The following SLC22A5 variants were observed in gnomAD, a reference collection of about 807,000 sequenced individuals.
SLC22A5 encodes solute carrier family 22 member 5.
SLC22A5 carries 44 observed loss-of-function variants against 56.7 expected under a neutral mutation model. The ratio of observed to expected loss-of-function variants is 0.78; its 90% CI spans 0.61 to 1.00. The LOEUF (loss-of-function observed/expected upper bound fraction) is 1.00, where lower values mean the gene tolerates loss of function less well. Among genes scored for constraint, SLC22A5 ranks in the 50% least tolerant of loss-of-function variants. The pLI is 0.00. For missense variants in SLC22A5, 675 were observed against 723.0 expected (o/e 0.93, Z 0.76); for synonymous variants, 278 against 292.1 (o/e 0.95, Z 0.49).
chr5:132,386,462 C>T (rs1249404740), intron 4 of SLC22A5, among the ~76,000 whole-genome samples: 1 of 152,170 alleles, frequency 6.6e-6, no homozygotes, highest in African/African-American at 2.4e-5. Context: ...AACTCCTAGC[C>T]TCAAATGATC....
Position 132,369,762 on chromosome 5 carries a change from C to A in SLC22A5, c.-211C>A. 3 of 584,576 alleles carry A rather than the reference C, an allele frequency of 5.1e-6. No individual in the cohort carries two copies. Among genetic ancestry groups the A allele is most frequent in the Non-Finnish European group, 8.4e-6 (3 of 357,310 alleles). The allele number at this position is 584,576 out of a possible 1,614,324, so 36.2% of individuals were successfully genotyped here. A position where few individuals can be genotyped will look rare whatever the true frequency, so the allele number is the denominator to read the frequency against. Reference sequence around the variant, plus strand: ...AGCGGGGCGCGCCTTGCGGCCCAGGCCCGCAACCTTCCCTGGTCGTGCGCC... The same window carrying A: ...AGCGGGGCGCGCCTTGCGGCCCAGGACCGCAACCTTCCCTGGTCGTGCGCC... On this transcript the variant is annotated 5_prime_UTR_variant, in exon 1 of 10. Transcript: ENST00000245407.
rs757611449 is a variant in SLC22A5 at position 132,392,551 on chromosome 5, T to G, written c.1386T>G (p.Gly462=). The stretch of plus-strand genomic sequence containing the variant: ...ATCCCACAGTGGTGAGAAACATGGG[T>G]GTGGGAGTCAGCTCCACAGCATCCC... ...ELYPTVVRNM[G]VGVSSTASRL... is the part of the protein sequence containing the mutation. The change falls in exon 8 of 10, where the codon GGT becomes GGG. Residue 462 remains glycine, a synonymous_variant. Coordinates refer to ENST00000245407, the MANE Select transcript of SLC22A5 (RefSeq NM_003060.4). The G allele has an allele frequency of 6.2e-7, 1 of 1,614,166 alleles. No homozygotes were observed. Among genetic ancestry groups the G allele is most frequent in the East Asian group, 2.2e-5 (1 of 44,882 alleles).
chr5:132,381,594 G>T (rs1752349998), intron 2 of SLC22A5: 1 of 152,210 alleles, frequency 6.6e-6, no homozygotes, highest in African/African-American at 2.4e-5. Context: ...ATAGTATAAA[G>T]GTTTCACCTT....
Position 132,388,976 on chromosome 5 carries a change from G to A in SLC22A5, c.1007G>A (p.Arg336Gln), listed in dbSNP as rs759529143. 3.1e-5 allele frequency: 50 copies of A among 1,613,802 alleles called. No homozygotes were observed. Among genetic ancestry groups the A allele is most frequent in the African/African-American group, 1.7e-4 (13 of 74,898 alleles). ...TCCCACAACATTCTGGATCTGCTTC[G>A]AACCTGGAATATCCGGATGGTCACC... is the stretch of plus-strand genomic sequence containing the variant. ...QQSHNILDLLRTWNIRMVTIM... is the reference protein window; with the variant it reads ...QQSHNILDLLQTWNIRMVTIM... The change falls in exon 6 of 10, where the codon CGA becomes CAA. Residue 336 changes from arginine (R) to glutamine (Q), a missense_variant. Transcript: ENST00000245407.
chr5:132,380,542 C>A (rs1288870310), intron 2 of SLC22A5: 1 of 151,844 alleles, frequency 6.6e-6, no homozygotes, highest in Non-Finnish European at 1.5e-5. Flanking sequence ...GTAGTTCATG[C>A]CAGAGATGAT....
chr5:132,369,883 C>G lies in SLC22A5; in HGVS notation c.-90C>G, dbSNP rs1201859385. ...CTTGGGTCGCCTGCTGCCTGGCTTGCCTGGTCGGCGGCGGGTGCCCCGCGC... is the reference window on the plus strand; with the variant it reads ...CTTGGGTCGCCTGCTGCCTGGCTTGGCTGGTCGGCGGCGGGTGCCCCGCGC... On this transcript the variant is annotated 5_prime_UTR_variant, in exon 1 of 10. Coordinates refer to ENST00000245407, the MANE Select transcript of SLC22A5 (RefSeq NM_003060.4). 6.5e-7 allele frequency: 1 copy of G among 1,531,030 alleles called. No individual in the cohort carries two copies. The allele number at this position is 1,531,030 out of a possible 1,614,324, so 94.8% of individuals were successfully genotyped here. A position where few individuals can be genotyped will look rare whatever the true frequency, so the allele number is the denominator to read the frequency against.
chr5:132,393,629 A>G, intron 8 of SLC22A5, 47 bp from the exon 9 acceptor site: 2 of 1,611,998 alleles, frequency 1.2e-6, no homozygotes, highest in South Asian at 1.1e-5. Context: ...TGAGAGACCA[A>G]GTCTAACTGC....
At chr5:132,380,268 T>A (rs1206833341) in intron 2 of SLC22A5, 2 of 152,108 alleles carry the variant, frequency 1.3e-5, no homozygotes. Flanking sequence ...GTCCGTGTGG[T>A]AGAGGTGCGG....
chr5:132,385,062 C>A (rs1032193978), intron 3 of SLC22A5, among the ~76,000 whole-genome samples: 1 of 152,178 alleles, frequency 6.6e-6, no homozygotes. Context: ...AGGGGGCCTA[C>A]CATGGCATCT....
chr5:132,375,115 T>A (rs1273465029), intron 1 of SLC22A5, among the ~76,000 whole-genome samples: 1 of 152,156 alleles, frequency 6.6e-6, no homozygotes, highest in African/African-American at 2.4e-5. Flanking sequence ...ATCTCGACTT[T>A]GGGCAGCCAA....
In SLC22A5 at chr5:132,393,019, G is replaced by A. The variant is rs139905161; in HGVS notation, c.1450+404G>A. On this transcript the variant is annotated intron_variant, in intron 8 of 9. Transcript: ENST00000245407. ...TGTCCATGCAAGAGGTCTGATGAAC[G>A]GAAAATTATTATAACCTAGAGCACT... Among the ~76,000 whole-genome samples the A allele has an allele frequency of 2.8e-3, 430 of 152,258 alleles. 1 individual carries two copies. Among genetic ancestry groups the A allele is most frequent in the African/African-American group, 9.8e-3 (409 of 41,538 alleles).
chr5:132,384,664 A>G (rs1035709617), intron 3 of SLC22A5, among the ~76,000 whole-genome samples: 1 of 152,216 alleles, frequency 6.6e-6, no homozygotes, highest in Non-Finnish European at 1.5e-5. Flanking sequence ...AGAGGGCGGC[A>G]TGGTTGGAGG....
intron 5 of SLC22A5, among the ~76,000 whole-genome samples, chr5:132,388,269 G>A (rs1752596819): frequency 1.3e-5 from 2 of 152,216 alleles, no homozygotes; most frequent in Admixed American, 6.5e-5. Flanking sequence ...TCAGTCCAAA[G>A]TTGACCTTTT....
chr5:132,377,958 A>T, intron 1 of SLC22A5: 1 of 717,150 alleles, frequency 1.4e-6, no homozygotes. Flanking sequence ...TGGCCCGTAG[A>T]GCCCCAGAGC....
chr5:132,371,988 T>C (rs1447814176), intron 1 of SLC22A5, among the ~76,000 whole-genome samples: 1 of 152,180 alleles, frequency 6.6e-6, no homozygotes, highest in Non-Finnish European at 1.5e-5. Context: ...TGTGCATGTG[T>C]GTGTTTTTTC....
intron 1 of SLC22A5, among the ~76,000 whole-genome samples, chr5:132,371,290 A>G (rs546488582): frequency 1.1e-4 from 16 of 152,154 alleles, no homozygotes; most frequent in Non-Finnish European, 1.9e-4. Flanking sequence ...AGATCCATTC[A>G]TCTGAAGATG....
At chr5:132,386,189 T>C (rs570644058) in intron 4 of SLC22A5, among the ~76,000 whole-genome samples, 2 of 152,176 alleles carry the variant, frequency 1.3e-5, no homozygotes, top group South Asian at 4.2e-4. Flanking sequence ...TTGATAAACA[T>C]GCTAATTTTT....
rs764733247 is a variant in SLC22A5, at chr5:132,387,145, G to T, written c.945G>T (p.Pro315=). 2 of 1,614,088 alleles carry T rather than the reference G, an allele frequency of 1.2e-6. No individual in the cohort carries two copies. The highest frequency in any genetic ancestry group is 1.7e-6 in the Non-Finnish European group (2 of 1,180,018). ...GIVVPSTIFD[P]SELQDLSSKK... ...TTGTGCCTTCCACTATCTTTGACCC[G>T]AGTGAGGTAAGCACCATGTGGGTGT... Residue 315 remains proline, a synonymous_variant, in exon 5 of 10, where the codon CCG becomes CCT. Coordinates refer to ENST00000245407, the MANE Select transcript of SLC22A5 (RefSeq NM_003060.4).
rs1752664545 is a variant in SLC22A5 at position 132,390,679 on chromosome 5, C to G, written c.1053-11C>G. ...ACTGCTTTTCCAGCTTTCTTCTGCA[C>G]TCTGTTTCAGGATGACCATATCAGT... On this transcript the variant is annotated splice_polypyrimidine_tract_variant and intron_variant, in intron 6 of 9. Transcript: ENST00000245407. The G allele has an allele frequency of 6.3e-7, 1 of 1,599,072 alleles. No individual in the cohort carries two copies. Among genetic ancestry groups the G allele is most frequent in the South Asian group, 1.1e-5 (1 of 90,838 alleles).
Sources: gnomAD v4.1 joint callset for allele counts (sites outside exome capture counted in the v4.1 genomes callset) on GRCh38, gnomAD v4.1.1 for gene constraint, MANE v1.5 for transcripts, NCBI Gene and HGNC (gene_info 2026-07-23, HGNC 2026-07-21) for gene names.